Variants in PI4KA observed in about 807,000 individuals in gnomAD.
PI4KA encodes the protein phosphatidylinositol 4-kinase alpha.
In PI4KA, 122 loss-of-function variants were observed where a neutral mutation model predicts 271.4. That is an observed-to-expected ratio of 0.45 (90% CI 0.39 to 0.52). PI4KA has a LOEUF of 0.52. Among genes scored for constraint, PI4KA ranks in the 20% least tolerant of loss-of-function variants. PI4KA has a pLI of 0.00. For synonymous variants in PI4KA, 1,041 were observed against 1,078.8 expected, an observed-to-expected ratio of 0.96 and a Z score of 0.69; for missense variants, 1,969 against 2,769.1, an observed-to-expected ratio of 0.71 and a Z score of 6.48.
chr22:20,723,193 TG>T (rs1926949125), intron 42 of PI4KA, among the ~76,000 whole-genome samples: 1 of 151,764 alleles, frequency 6.6e-6, no homozygotes, highest in Non-Finnish European at 1.5e-5. Context: ...AATCTTTTTT[TG>T]TATTTTTAGT....
chr22:20,733,840 C>A lies in PI4KA; in HGVS notation c.4056G>T (p.Leu1352=). ...GCAGGAGGGACAGCCCCAGGGTCAG[C>A]AGCCTGTGAGGGAGCCCCGGACCCA... The part of the protein sequence containing the change: ...HVAAIGPRFK[L]LTLGLSLLHA... The change falls in exon 35 of 55, where the codon CTG becomes CTT. Residue 1352 remains leucine (L), a synonymous_variant. Transcript: ENST00000255882. 6.2e-7 allele frequency: 1 copy of A among 1,612,140 alleles called. No individual in the cohort carries two copies. Among genetic ancestry groups the A allele is most frequent in the African/African-American group, 1.3e-5 (1 of 74,980 alleles).
chr22:20,808,945 T>C (rs557561385), intron 9 of PI4KA, among the ~76,000 whole-genome samples: 1 of 152,082 alleles, frequency 6.6e-6, no homozygotes, highest in South Asian at 2.1e-4. Context: ...CAGTGTGAGG[T>C]TGACAGAGGG....
rs117016575 is a variant in PI4KA, at chr22:20,809,171, G to A, written c.1072-1713C>T. On this transcript the variant is annotated intron_variant, in intron 9 of 54. Transcript: ENST00000255882. ...TTGACTCTGGGAGTCCAGACAACACGAGTGTTAAACTTTGGAGCCTTGGAG... is the reference window on the plus strand; with the variant it reads ...TTGACTCTGGGAGTCCAGACAACACAAGTGTTAAACTTTGGAGCCTTGGAG... Among the ~76,000 whole-genome samples, 896 of 152,218 alleles carry A rather than the reference G, an allele frequency of 5.9e-3. 8 individuals carry two copies. The highest frequency in any genetic ancestry group is 0.055 in the East Asian group (284 of 5,172).
intron 18 of PI4KA, among the ~76,000 whole-genome samples, chr22:20,793,742 T>C (rs1488042423): frequency 6.6e-6 from 1 of 152,254 alleles, no homozygotes; most frequent in Non-Finnish European, 1.5e-5. Flanking sequence ...GGCTTCTGTA[T>C]CTTTTCTAAA....
In PI4KA at chr22:20,796,552, T is replaced by C. The variant is rs117207221; in HGVS notation, c.2109-238A>G. ...ATGACTGCAATCCTCTCTCCTGAAA[T>C]GTAGTAAGGACCTCCAGGAGACTAA... is the stretch of plus-strand genomic sequence containing the variant. On this transcript the variant is annotated intron_variant, in intron 17 of 54. Coordinates refer to ENST00000255882, the MANE Select transcript of PI4KA (RefSeq NM_058004.4). 7.6e-3 allele frequency among the ~76,000 whole-genome samples: 1,150 copies of C among 152,276 alleles called. 10 individuals carry two copies. The highest frequency in any genetic ancestry group is 0.055 in the East Asian group (283 of 5,176).
At chr22:20,747,532 G>A (rs375286156) in intron 29 of PI4KA, 51 bp downstream of exon 29, 12 of 1,596,960 alleles carry the variant, frequency 7.5e-6, no homozygotes, top group African/African-American at 1.3e-5. Flanking sequence ...CCCCTGCACT[G>A]TGGCTCCTAT....
intron 54 of PI4KA, 148 bp from the exon 55 acceptor site, chr22:20,708,246 C>A (rs1183729036): frequency 4.2e-6 from 3 of 713,990 alleles, no homozygotes; most frequent in Non-Finnish European, 7.7e-6. Flanking sequence ...CCTCCCCCAC[C>A]CAGTGACCAC....
At chr22:20,763,482 C>T (rs1932214128) in intron 22 of PI4KA, among the ~76,000 whole-genome samples, 1 of 151,684 alleles carries the variant, frequency 6.6e-6, no homozygotes, top group South Asian at 2.1e-4. Flanking sequence ...CTCTGTCGCC[C>T]AGGCTGGAGT....
chr22:20,774,737 G>C (rs1034229957), intron 19 of PI4KA, among the ~76,000 whole-genome samples: 2 of 145,374 alleles, frequency 1.4e-5, no homozygotes, highest in Non-Finnish European at 3.0e-5. Flanking sequence ...CTCCAGCCTG[G>C]ACAACAGAGT....
chr22:20,824,420 A>T lies in PI4KA; in HGVS notation c.368-6T>A. On this transcript the variant is annotated splice_polypyrimidine_tract_variant and splice_region_variant and intron_variant, in intron 3 of 54. Coordinates refer to ENST00000255882, the MANE Select transcript of PI4KA (RefSeq NM_058004.4). ...CTCTGCAACCGGGAGGGCACCTGGA[A>T]GATGTAAAAACATAAATCAGATAAC... 1 of 1,606,112 alleles carries T rather than the reference A, an allele frequency of 6.2e-7. No individual in the cohort carries two copies. The highest frequency in any genetic ancestry group is 1.7e-5 in the Admixed American group (1 of 59,502).
chr22:20,819,605 T>C, intron 6 of PI4KA, 36 bp downstream of exon 6: 1 of 1,590,498 alleles, frequency 6.3e-7, no homozygotes, highest in Non-Finnish European at 8.6e-7. Context: ...AACAGGGTCT[T>C]TCTCCTCTGC....
chr22:20,807,450 G>T lies in PI4KA; in HGVS notation c.1080C>A (p.Pro360=). 1 of 1,608,726 alleles carries T rather than the reference G, an allele frequency of 6.2e-7. No homozygotes were observed. The highest frequency in any genetic ancestry group is 1.3e-5 in the African/African-American group (1 of 74,940). Residue 360 remains proline (P), a synonymous_variant, in exon 10 of 55, where the codon CCC becomes CCA. Coordinates refer to ENST00000255882, the MANE Select transcript of PI4KA (RefSeq NM_058004.4). ...AIVASVMEAN[P]SADLYYTSFS... ...AGGAAGTGTAGTAGAGATCAGCACT[G>T]GGGTTGGCCTGCAGGGAAGGCAGAC...
At chr22:20,779,588 C>T (rs1244613967) in intron 19 of PI4KA, 1 of 1,614,248 alleles carries the variant, frequency 6.2e-7, no homozygotes, top group Non-Finnish European at 8.5e-7. Context: ...ACGACGACTA[C>T]ATCGACATCG....
intron 26 of PI4KA, 70 bp from the exon 27 acceptor site, chr22:20,751,446 A>T: frequency 7.9e-7 from 1 of 1,265,724 alleles, no homozygotes; most frequent in Non-Finnish European, 1.1e-6. Flanking sequence ...CACATGGGCC[A>T]CCCCTACCCA....
intron 1 of PI4KA, among the ~76,000 whole-genome samples, chr22:20,846,510 CGCACGCTGGG>C (rs1926275421): frequency 1.3e-5 from 2 of 151,828 alleles, no homozygotes; most frequent in Non-Finnish European, 2.9e-5. Flanking sequence ...GGGGGAACAA[CGCACGCTGGG>C]GCCTGTGAGG....
Position 20,819,628 on chromosome 22 carries a change from A to G in PI4KA, c.789+13T>C, listed in dbSNP as rs377618577. On this transcript the variant is annotated intron_variant, in intron 6 of 54. Coordinates refer to ENST00000255882, the MANE Select transcript of PI4KA (RefSeq NM_058004.4). The stretch of plus-strand genomic sequence containing the variant: ...CTTTCTCCTCTGCTCTTTCCCCAGT[A>G]GCCCAGGCCCACCTGAGAGATGCTG... 3.7e-6 allele frequency: 6 copies of G among 1,610,634 alleles called. No individual in the cohort carries two copies. Among genetic ancestry groups the G allele is most frequent in the Non-Finnish European group, 5.1e-6 (6 of 1,177,624 alleles).
intron 36 of PI4KA, among the ~76,000 whole-genome samples, chr22:20,730,955 T>C (rs928865725): frequency 1.3e-5 from 2 of 151,918 alleles, no homozygotes; most frequent in South Asian, 2.1e-4. Flanking sequence ...GGCAGGTGGA[T>C]TGCTAGACGC....
At chr22:20,714,937 T>C (rs993485712) in intron 45 of PI4KA, among the ~76,000 whole-genome samples, 1 of 152,204 alleles carries the variant, frequency 6.6e-6, no homozygotes, top group African/African-American at 2.4e-5. Flanking sequence ...CTGCACCTTC[T>C]GGGAAATGCT....
At chr22:20,824,511 T>G in intron 3 of PI4KA, 97 bp from the exon 4 acceptor site, 1 of 797,996 alleles carries the variant, frequency 1.3e-6, no homozygotes, top group South Asian at 1.7e-5. Context: ...CACCATGACC[T>G]GCCAAGGGAC....
Sources: allele counts gnomAD v4.1 joint callset (sites outside exome capture counted in the v4.1 genomes callset), GRCh38; gene constraint gnomAD v4.1.1; transcripts MANE v1.5; gene names NCBI Gene and HGNC (gene_info 2026-07-23, HGNC 2026-07-21).